DNAJC27: variants seen among roughly 807,000 people sequenced by gnomAD.
DNAJC27 encodes the protein dnaJ homolog subfamily C member 27.
Under a neutral mutation model 31.4 loss-of-function variants are expected in DNAJC27, and 25 were observed. The observed-to-expected ratio is 0.80, with a 90% CI of 0.58 to 1.11. The LOEUF is 1.11. Ranked by LOEUF, DNAJC27 falls within the 50% of genes most tolerant of loss-of-function variation. DNAJC27 has a pLI of 0.00. For synonymous variants in DNAJC27, 106 were observed against 112.7 expected, an observed-to-expected ratio of 0.94 and a Z score of 0.37; for missense variants, 356 against 347.3, an observed-to-expected ratio of 1.02 and a Z score of -0.20.
intron 5 of DNAJC27, among the ~76,000 whole-genome samples, chr2:24,951,857 C>T (rs1396958997): frequency 6.6e-6 from 1 of 152,004 alleles, no homozygotes; most frequent in African/African-American, 2.4e-5. Flanking sequence ...ACCTGTAATC[C>T]CAGCATTTTG....
intron 1 of DNAJC27, chr2:24,971,614 G>T: frequency 4.1e-6 from 2 of 490,158 alleles, no homozygotes; most frequent in Non-Finnish European, 7.3e-6. Flanking sequence ...CCGGAAGAGT[G>T]ACGTCGGAGG....
At position 24,947,291 on chromosome 2, in the gene DNAJC27, C is replaced by CCT. The variant is rs397811021; in HGVS notation, c.*324_*325insAG. 1 of 200,736 alleles carries CCT rather than the reference C, an allele frequency of 5.0e-6. No homozygotes were observed. The highest frequency in any genetic ancestry group is 1.0e-5 in the Non-Finnish European group (1 of 100,478). The allele number at this position is 200,736 out of a possible 1,614,324, so 12.4% of individuals were successfully genotyped here. ...GGGTCCTCTTGTCCTCTCTTCCCTC[C>CCT]TCCAGGAACCTTGTGGATTTCCCCA... On this transcript the variant is annotated 3_prime_UTR_variant, in exon 7 of 7. Coordinates refer to ENST00000264711, the MANE Select transcript of DNAJC27 (RefSeq NM_016544.3).
At chr2:24,971,068 A>T (rs1666322463) in intron 1 of DNAJC27, among the ~76,000 whole-genome samples, 1 of 152,216 alleles carries the variant, frequency 6.6e-6, no homozygotes, top group Admixed American at 6.5e-5. Context: ...GTTCTTAACC[A>T]ACAGATTCCA....
At chr2:24,950,585 G>A (rs1221905588) in intron 6 of DNAJC27, among the ~76,000 whole-genome samples, 5 of 151,744 alleles carry the variant, frequency 3.3e-5, no homozygotes, top group Middle Eastern at 3.4e-3. Flanking sequence ...GGTGGCTCAC[G>A]CCCGTAATCC....
chr2:24,947,541 T>C lies in DNAJC27; in HGVS notation c.*75A>G. On this transcript the variant is annotated 3_prime_UTR_variant, in exon 7 of 7. Coordinates refer to ENST00000264711, the MANE Select transcript of DNAJC27 (RefSeq NM_016544.3). ...GCAGTGAGATTCTGGGAAGGAAAAC[T>C]CCACGTTGGTTATTTCACCTCTAGG... The C allele has an allele frequency of 6.6e-7, 1 of 1,511,332 alleles. No individual in the cohort carries two copies. Among genetic ancestry groups the C allele is most frequent in the Non-Finnish European group, 9.0e-7 (1 of 1,116,916 alleles). The allele number at this position is 1,511,332 out of a possible 1,614,324, so 93.6% of individuals were successfully genotyped here.
chr2:24,963,978 G>A (rs919577429), intron 2 of DNAJC27, among the ~76,000 whole-genome samples: 6 of 152,090 alleles, frequency 3.9e-5, no homozygotes, highest in Admixed American at 3.9e-4. Flanking sequence ...TTTGTTTTCA[G>A]ATATTTGGAA....
chr2:24,957,761 C>T (rs1665942445), intron 4 of DNAJC27, 49 bp downstream of exon 4: 2 of 1,536,392 alleles, frequency 1.3e-6, no homozygotes, highest in Non-Finnish European at 1.8e-6. Flanking sequence ...ACACTCAAAG[C>T]TCCACTCTTT....
At chr2:24,967,954 CTTTTT>C (rs35902856) in intron 1 of DNAJC27, among the ~76,000 whole-genome samples, 4 of 135,652 alleles carry the variant, frequency 2.9e-5, no homozygotes, top group Non-Finnish European at 4.8e-5. Flanking sequence ...AGATTAATTC[CTTTTT>C]TTTTTTTTTT....
At chr2:24,970,487 C>T (rs1280652156) in intron 1 of DNAJC27, among the ~76,000 whole-genome samples, 78 of 125,266 alleles carry the variant, frequency 6.2e-4, no homozygotes, top group African/African-American at 2.3e-3. Context: ...TTTTTTGAGA[C>T]GGCGTCTCAC....
At chr2:24,948,094 A>G (rs1156431285) in intron 6 of DNAJC27, among the ~76,000 whole-genome samples, 2 of 152,172 alleles carry the variant, frequency 1.3e-5, no homozygotes, top group Non-Finnish European at 2.9e-5. Flanking sequence ...GCACCAGGGA[A>G]GGCATCCAGA....
chr2:24,953,492 A>G (rs1665831459), intron 5 of DNAJC27: 1 of 196,180 alleles, frequency 5.1e-6, no homozygotes, highest in South Asian at 1.8e-4. Context: ...TAGATGGGAA[A>G]TAAAGAAAAT....
chr2:24,956,211 G>A (rs1420213841), intron 5 of DNAJC27, among the ~76,000 whole-genome samples: 2 of 152,198 alleles, frequency 1.3e-5, no homozygotes, highest in African/African-American at 4.8e-5. Context: ...TCTTTATAGT[G>A]TAACTACTTT....
chr2:24,949,486 C>T (rs187489745), intron 6 of DNAJC27, among the ~76,000 whole-genome samples: 5 of 152,254 alleles, frequency 3.3e-5, no homozygotes, highest in East Asian at 1.9e-4. Flanking sequence ...CCGTTGAAGA[C>T]GAAGATTTTC....
At chr2:24,971,791 C>A in intron 1 of DNAJC27, 27 bp downstream of exon 1, 2 of 1,583,000 alleles carry the variant, frequency 1.3e-6, no homozygotes, top group Non-Finnish European at 1.7e-6. Flanking sequence ...ACGCTGGGGC[C>A]CGCCCCTCCC....
intron 2 of DNAJC27, among the ~76,000 whole-genome samples, chr2:24,966,488 T>G (rs114791586): frequency 0.034 from 5,199 of 152,154 alleles, 136 homozygotes; most frequent in Non-Finnish European, 0.053. Context: ...TGTGATGAAG[T>G]CTCACTGTCG....
intron 5 of DNAJC27, among the ~76,000 whole-genome samples, chr2:24,952,579 A>G (rs1213883758): frequency 6.6e-6 from 1 of 152,142 alleles, no homozygotes; most frequent in Non-Finnish European, 1.5e-5. Flanking sequence ...TATACATCTC[A>G]GTACACTTGT....
chr2:24,957,930 G>T lies in DNAJC27; in HGVS notation c.285C>A (p.Val95=). The part of the protein sequence containing the change: ...FYKDTQGVIL[V]YDVGQKDSFD... ...AGGAGTCTTTCTGCCCAACATCATA[G>T]ACCAGTATCACACCCTGTGTGTCCT... Residue 95 remains valine, a synonymous_variant, in exon 4 of 7, where the codon GTC becomes GTA. Transcript: ENST00000264711. The T allele has an allele frequency of 6.2e-7, 1 of 1,614,148 alleles. No homozygotes were observed. Among genetic ancestry groups the T allele is most frequent in the Non-Finnish European group, 8.5e-7 (1 of 1,180,004 alleles).
chr2:24,955,435 T>C (rs1031730638), intron 5 of DNAJC27, among the ~76,000 whole-genome samples: 1 of 152,094 alleles, frequency 6.6e-6, no homozygotes, highest in African/African-American at 2.4e-5. Flanking sequence ...TGGTCTAATA[T>C]ACATGTAATT....
In DNAJC27 at chr2:24,951,255, G is replaced by C. The variant is rs551350602; in HGVS notation, c.689+139C>G. 3.2e-6 allele frequency: 3 copies of C among 927,484 alleles called. No homozygotes were observed. The African/African-American group carries it at 5.0e-5, about 15-fold the overall frequency. The allele number at this position is 927,484 out of a possible 1,614,324, so 57.5% of individuals were successfully genotyped here. On this transcript the variant is annotated intron_variant, in intron 6 of 6. Coordinates refer to ENST00000264711, the MANE Select transcript of DNAJC27 (RefSeq NM_016544.3). ...CTCTTTGGTATTCAGCTAATTCAGT[G>C]AAACTGAGTCATTCTAATATATTTT...
Sources: allele counts gnomAD v4.1 joint callset (sites outside exome capture counted in the v4.1 genomes callset), GRCh38; gene constraint gnomAD v4.1.1; transcripts MANE v1.5; gene names NCBI Gene and HGNC (gene_info 2026-07-23, HGNC 2026-07-21).